Variants in MEOX2 observed in about 807,000 individuals in gnomAD.
MEOX2 encodes the protein mesenchyme homeobox 2, also known as homeobox protein MOX-2.
A neutral mutation model predicts 27.0 loss-of-function variants in MEOX2; 11 were observed. The observed-to-expected ratio is 0.41, with a 90% CI of 0.26 to 0.68. MEOX2 has a LOEUF of 0.68. Among genes scored for constraint, MEOX2 ranks in the 30% least tolerant of loss-of-function variants. The pLI is 0.33. For synonymous variants in MEOX2, 189 were observed against 155.4 expected (o/e 1.22, Z -1.61); for missense variants, 436 against 385.4 (o/e 1.13, Z -1.10).
In MEOX2 at chr7:15,662,807, G is replaced by C. The variant is rs555673185; in HGVS notation, c.517+23079C>G. ...TATAAAAAATGAAACCACTCCAAAAGATTCATGACTGAATGCAGGACATAT... is the reference window on the plus strand; with the variant it reads ...TATAAAAAATGAAACCACTCCAAAACATTCATGACTGAATGCAGGACATAT... On this transcript the variant is annotated intron_variant, in intron 1 of 2. Transcript: ENST00000262041. Among the ~76,000 whole-genome samples the C allele has an allele frequency of 7.4e-4, 112 of 152,218 alleles. 1 individual carries two copies. The highest frequency in any genetic ancestry group is 2.4e-3 in the Admixed American group (37 of 15,288).
At position 15,612,540 on chromosome 7, in the gene MEOX2, A is replaced by G; in HGVS notation, c.762T>C (p.Ala254=). ...TCACATTCACCAGTTCCTTTTCCCG[A>G]GCCGCAGCTCCTTGCTGTCCACCCT... ...RVKGGQQGAA[A]REKELVNVKK... is the part of the protein sequence containing the mutation. The change falls in exon 3 of 3, where the codon GCT becomes GCC. Residue 254 remains alanine, a synonymous_variant. Coordinates refer to ENST00000262041, the MANE Select transcript of MEOX2 (RefSeq NM_005924.5). 6.2e-7 allele frequency: 1 copy of G among 1,614,156 alleles called. No homozygotes were observed. Among genetic ancestry groups the G allele is most frequent in the Non-Finnish European group, 8.5e-7 (1 of 1,180,042 alleles).
At chr7:15,621,121 A>C (rs2115356571) in intron 2 of MEOX2, among the ~76,000 whole-genome samples, 1 of 152,356 alleles carries the variant, frequency 6.6e-6, no homozygotes, top group East Asian at 1.9e-4. Flanking sequence ...GAGAGCCTTT[A>C]GACTGAGTTC....
At chr7:15,613,766 A>T (rs578118725) in intron 2 of MEOX2, among the ~76,000 whole-genome samples, 140 of 152,086 alleles carry the variant, frequency 9.2e-4, no homozygotes, top group African/African-American at 2.8e-3. Context: ...CTATTTATTT[A>T]TTTTTTATCA....
intron 1 of MEOX2, among the ~76,000 whole-genome samples, chr7:15,637,520 AC>A (rs1781498744): frequency 1.3e-5 from 2 of 151,786 alleles, no homozygotes; most frequent in Non-Finnish European, 2.9e-5. Context: ...TCCAATACAC[AC>A]ACACACACAC....
chr7:15,686,492 A>ATTTTT lies in MEOX2; in HGVS notation c.-95_-91dup, dbSNP rs33970897. On this transcript the variant is annotated 5_prime_UTR_variant, in exon 1 of 3. Transcript: ENST00000262041. ...TCACTTTTTCACTGGAAACCGTGTG[A>ATTTTT]TTTTTTTTTTAACCTCCCAAAGCAA... The ATTTTT allele has an allele frequency of 5.4e-5, 56 of 1,031,102 alleles. No homozygotes were observed. In the African/African-American group the frequency reaches 5.9e-4, roughly 11 times the overall value. The allele number at this position is 1,031,102 out of a possible 1,614,324, so 63.9% of individuals were successfully genotyped here. A position where few individuals can be genotyped will look rare whatever the true frequency, so the allele number is the denominator to read the frequency against.
At chr7:15,627,012 G>T in intron 1 of MEOX2, 94 bp from the exon 2 acceptor site, 1 of 1,249,534 alleles carries the variant, frequency 8.0e-7, no homozygotes, top group Non-Finnish European at 1.1e-6. Flanking sequence ...ACTTTTCCAG[G>T]TACTGCGCTA....
At chr7:15,621,466 GA>G (rs1307864611) in intron 2 of MEOX2, among the ~76,000 whole-genome samples, 1 of 152,140 alleles carries the variant, frequency 6.6e-6, no homozygotes, top group Non-Finnish European at 1.5e-5. Context: ...TTGCATTATG[GA>G]AGATGCAAAT....
chr7:15,639,236 G>C (rs564305910), intron 1 of MEOX2, among the ~76,000 whole-genome samples: 6 of 152,160 alleles, frequency 3.9e-5, no homozygotes, highest in Non-Finnish European at 5.9e-5. Context: ...TTGTGATGTT[G>C]AGCATGTTTT....
chr7:15,617,206 G>C (rs750508751), intron 2 of MEOX2, among the ~76,000 whole-genome samples: 1 of 152,072 alleles, frequency 6.6e-6, no homozygotes, highest in Non-Finnish European at 1.5e-5. Flanking sequence ...GACATAGCCA[G>C]ATGCCTCTAA....
At chr7:15,679,136 A>T (rs987915582) in intron 1 of MEOX2, 1 of 152,150 alleles carries the variant, frequency 6.6e-6, no homozygotes, top group South Asian at 2.1e-4. Flanking sequence ...TCTAATTCAG[A>T]TTTACTATTA....
At chr7:15,635,399 A>G (rs1231518474) in intron 1 of MEOX2, among the ~76,000 whole-genome samples, 2 of 152,058 alleles carry the variant, frequency 1.3e-5, no homozygotes, top group Non-Finnish European at 2.9e-5. Flanking sequence ...AATCTTGAGT[A>G]CCAAACATTC....
At chr7:15,654,862 C>G (rs1781793946) in intron 1 of MEOX2, among the ~76,000 whole-genome samples, 1 of 151,532 alleles carries the variant, frequency 6.6e-6, no homozygotes, top group African/African-American at 2.4e-5. Flanking sequence ...GTTATACTGA[C>G]TGTCTGCTTT....
At chr7:15,660,329 T>A (rs1246505024) in intron 1 of MEOX2, among the ~76,000 whole-genome samples, 6 of 151,916 alleles carry the variant, frequency 3.9e-5, no homozygotes, top group African/African-American at 1.5e-4. Context: ...ACAGGGAGTA[T>A]AAATAAAAAT....
chr7:15,674,330 G>A (rs1233140851), intron 1 of MEOX2, among the ~76,000 whole-genome samples: 1 of 152,102 alleles, frequency 6.6e-6, no homozygotes, highest in East Asian at 1.9e-4. Context: ...CTCACTTTGG[G>A]AGTCCTGGGG....
At chr7:15,638,164 C>T (rs1435913117) in intron 1 of MEOX2, among the ~76,000 whole-genome samples, 1 of 151,860 alleles carries the variant, frequency 6.6e-6, no homozygotes, top group Non-Finnish European at 1.5e-5. Flanking sequence ...TTAAAAGATC[C>T]ACAATCCTCA....
intron 1 of MEOX2, among the ~76,000 whole-genome samples, chr7:15,669,276 T>G (rs778267245): frequency 6.6e-6 from 1 of 152,256 alleles, no homozygotes; most frequent in African/African-American, 2.4e-5. Flanking sequence ...CAAAACCCCT[T>G]GTGAATAATG....
chr7:15,677,742 C>T (rs1782222974), intron 1 of MEOX2: 1 of 152,154 alleles, frequency 6.6e-6, no homozygotes, highest in Non-Finnish European at 1.5e-5. Flanking sequence ...CCTGTGGTTT[C>T]CCTACATTCT....
At chr7:15,651,547 C>T (rs753455735) in intron 1 of MEOX2, among the ~76,000 whole-genome samples, 9 of 151,862 alleles carry the variant, frequency 5.9e-5, no homozygotes, top group Non-Finnish European at 1.0e-4. Context: ...GTATTCTAAG[C>T]ACCTACATTT....
intron 2 of MEOX2, among the ~76,000 whole-genome samples, chr7:15,621,848 A>G (rs1781227139): frequency 2.0e-5 from 3 of 152,118 alleles, no homozygotes; most frequent in Admixed American, 1.3e-4. Context: ...GCCAGGTGCC[A>G]TGGCTCAAGC....
Sources: allele counts gnomAD v4.1 joint callset (sites outside exome capture counted in the v4.1 genomes callset), GRCh38; gene constraint gnomAD v4.1.1; transcripts MANE v1.5; gene names NCBI Gene and HGNC (gene_info 2026-07-23, HGNC 2026-07-21).